IGF2BP2: variants seen among roughly 807,000 people sequenced by gnomAD.
IGF2BP2 encodes insulin like growth factor 2 mRNA binding protein 2, also known as insulin-like growth factor 2 mRNA-binding protein 2.
Under a neutral mutation model 75.8 loss-of-function variants are expected in IGF2BP2, and 17 were observed. The observed-to-expected ratio is 0.22, with a 90% CI of 0.15 to 0.34. The LOEUF is 0.34. Ranked by LOEUF, IGF2BP2 falls within the 10% of genes least tolerant of loss-of-function variation. The pLI is 1.00. For synonymous variants in IGF2BP2, 288 were observed against 295.6 expected (o/e 0.97, Z 0.26); for missense variants, 516 against 772.4 (o/e 0.67, Z 3.93).
At chr3:185,696,473 T>C (rs1722596949) in intron 4 of IGF2BP2, 139 bp downstream of exon 4, 9 of 685,056 alleles carry the variant, frequency 1.3e-5, no homozygotes, top group Middle Eastern at 3.2e-4. Flanking sequence ...ACATCTTACA[T>C]AGATGTAAAT....
At chr3:185,731,814 A>G (rs1728224879) in intron 2 of IGF2BP2, among the ~76,000 whole-genome samples, 1 of 151,730 alleles carries the variant, frequency 6.6e-6, no homozygotes, top group Admixed American at 6.6e-5. Flanking sequence ...TCTCTACTAA[A>G]ATACACACAA....
At chr3:185,768,256 A>G (rs1190256480) in intron 2 of IGF2BP2, among the ~76,000 whole-genome samples, 1 of 152,228 alleles carries the variant, frequency 6.6e-6, no homozygotes, top group South Asian at 2.1e-4. Flanking sequence ...TCCCAAGAGT[A>G]TCTCTATTGT....
Position 185,808,273 on chromosome 3 carries a change from C to T in IGF2BP2, c.239+14880G>A, listed in dbSNP as rs572321086. Among the ~76,000 whole-genome samples, 14 of 151,952 alleles carry T rather than the reference C, an allele frequency of 9.2e-5. No individual in the cohort carries two copies. In the South Asian group the frequency reaches 2.1e-3, roughly 23 times the overall value. ...GGTGGATCACCTGAGGTCAGGAGTT[C>T]AAGACCAGCCTGCCAACATGGTGAA... On this transcript the variant is annotated intron_variant, in intron 2 of 15. Coordinates refer to ENST00000382199, the MANE Select transcript of IGF2BP2 (RefSeq NM_006548.6).
intron 2 of IGF2BP2, among the ~76,000 whole-genome samples, chr3:185,808,905 A>C (rs2149996739): frequency 6.6e-6 from 1 of 152,254 alleles, no homozygotes. Flanking sequence ...CTTTGCATTT[A>C]AAATTTAGTC....
At chr3:185,689,967 CAAA>C (rs5855070) in intron 5 of IGF2BP2, among the ~76,000 whole-genome samples, 18 of 118,174 alleles carry the variant, frequency 1.5e-4, no homozygotes, top group Admixed American at 2.5e-4. Context: ...GACTCCGTCT[CAAA>C]AAAAAAAAAA....
rs370276839 is a variant in IGF2BP2, at chr3:185,683,946, G to A, written c.812+3111C>T. Among the ~76,000 whole-genome samples the A allele has an allele frequency of 1.2e-4, 19 of 152,258 alleles. No homozygotes were observed. In the East Asian group the frequency reaches 2.5e-3, roughly 20 times the overall value. ...CCATGATTCAACTGACCTTGGAGCC[G>A]TGTGCCTTAGGACTTCTTGTTATGT... On this transcript the variant is annotated intron_variant, in intron 7 of 15. Transcript: ENST00000382199.
intron 2 of IGF2BP2, among the ~76,000 whole-genome samples, chr3:185,747,293 T>C (rs948458343): frequency 5.3e-5 from 8 of 152,216 alleles, no homozygotes; most frequent in Admixed American, 6.5e-5. Context: ...TTTATCACTT[T>C]TTCTCACTAT....
At chr3:185,688,359 TA>T (rs2149313193) in intron 6 of IGF2BP2, among the ~76,000 whole-genome samples, 1 of 152,346 alleles carries the variant, frequency 6.6e-6, no homozygotes, top group South Asian at 2.1e-4. Flanking sequence ...TTTATTTATT[TA>T]GAGATGGAGT....
At chr3:185,741,991 G>A (rs148130847) in intron 2 of IGF2BP2, among the ~76,000 whole-genome samples, 2 of 152,238 alleles carry the variant, frequency 1.3e-5, no homozygotes, top group Middle Eastern at 3.4e-3. Flanking sequence ...GTATGTTATA[G>A]AAGGAAAAGA....
At chr3:185,781,773 T>C (rs1318296913) in intron 2 of IGF2BP2, among the ~76,000 whole-genome samples, 1 of 151,848 alleles carries the variant, frequency 6.6e-6, no homozygotes, top group African/African-American at 2.4e-5. Flanking sequence ...GGGTCATAAG[T>C]TGTTTGTGTT....
chr3:185,702,156 G>C (rs757482006), intron 2 of IGF2BP2, among the ~76,000 whole-genome samples: 1 of 152,166 alleles, frequency 6.6e-6, no homozygotes, highest in Non-Finnish European at 1.5e-5. Context: ...TTTCATCAAG[G>C]ACAGGTTCCT....
At chr3:185,796,320 T>C (rs1737371138) in intron 2 of IGF2BP2, among the ~76,000 whole-genome samples, 1 of 151,924 alleles carries the variant, frequency 6.6e-6, no homozygotes. Flanking sequence ...CCCAGTACTT[T>C]GGGAGGACGA....
At chr3:185,659,924 A>AGCACAT (rs1466900653) in intron 10 of IGF2BP2, among the ~76,000 whole-genome samples, 1 of 151,738 alleles carries the variant, frequency 6.6e-6, no homozygotes, top group Non-Finnish European at 1.5e-5. Context: ...CCTCCCAAAT[A>AGCACAT]GCTGGGATTA....
chr3:185,679,550 A>G (rs950435595), intron 7 of IGF2BP2, among the ~76,000 whole-genome samples: 1 of 151,666 alleles, frequency 6.6e-6, no homozygotes, highest in Non-Finnish European at 1.5e-5. Context: ...ATAACTATAT[A>G]TTTTCATATG....
At chr3:185,809,757 G>A (rs534866101) in intron 2 of IGF2BP2, among the ~76,000 whole-genome samples, 2 of 151,898 alleles carry the variant, frequency 1.3e-5, no homozygotes, top group African/African-American at 2.4e-5. Context: ...AAATACAGAC[G>A]AAAAATAAGA....
chr3:185,802,335 C>T (rs1194573700), intron 2 of IGF2BP2, among the ~76,000 whole-genome samples: 2 of 68,852 alleles, frequency 2.9e-5, no homozygotes, highest in African/African-American at 9.2e-5. Flanking sequence ...TGACTAATTA[C>T]GGTAATACCT....
chr3:185,731,005 AT>A (rs1201303964), intron 2 of IGF2BP2, among the ~76,000 whole-genome samples: 1 of 152,172 alleles, frequency 6.6e-6, no homozygotes, highest in African/African-American at 2.4e-5. Flanking sequence ...AAATATAGTT[AT>A]TTTAAATAAA....
At chr3:185,678,892 CG>C (rs1448210780) in intron 7 of IGF2BP2, among the ~76,000 whole-genome samples, 2 of 152,144 alleles carry the variant, frequency 1.3e-5, no homozygotes, top group Non-Finnish European at 2.9e-5. Flanking sequence ...CTTTGTCTCT[CG>C]TAACAGTTTT....
intron 2 of IGF2BP2, among the ~76,000 whole-genome samples, chr3:185,702,000 C>A (rs912621320): frequency 6.6e-6 from 1 of 152,082 alleles, no homozygotes; most frequent in African/African-American, 2.4e-5. Context: ...TCCTTCAAAA[C>A]GCAGCTCACA....
Sources: allele counts gnomAD v4.1 joint callset (sites outside exome capture counted in the v4.1 genomes callset), GRCh38; gene constraint gnomAD v4.1.1; transcripts MANE v1.5; gene names NCBI Gene and HGNC (gene_info 2026-07-23, HGNC 2026-07-21).